Variants in ANKRD45 observed in about 807,000 individuals in gnomAD.
The protein encoded by ANKRD45 is ankyrin repeat domain 45, also known as ankyrin repeat domain-containing protein 45.
Under a neutral mutation model 28.1 loss-of-function variants are expected in ANKRD45, and 21 were observed. That is an observed-to-expected ratio of 0.75 (90% CI 0.53 to 1.08). The LOEUF (loss-of-function observed/expected upper bound fraction) is 1.08. Among genes scored for constraint, ANKRD45 ranks in the 50% least tolerant of loss-of-function variants. The probability of loss-of-function intolerance (pLI) is 0.00; values close to 1 mark genes in which losing one functional copy is unlikely to be tolerated. For missense variants in ANKRD45, 261 were observed against 308.7 expected, an observed-to-expected ratio of 0.85 and a Z score of 1.16; for synonymous variants, 86 against 103.9, an observed-to-expected ratio of 0.83 and a Z score of 1.05.
the ANKRD45 span, among the ~76,000 whole-genome samples, chr1:173,686,305 G>C: frequency 6.6e-6 from 1 of 152,202 alleles, no homozygotes; most frequent in African/African-American, 2.4e-5. Context: ...TAATAGGATA[G>C]ATGAAAATTT....
intron 3 of ANKRD45, among the ~76,000 whole-genome samples, chr1:173,633,662 T>C (rs1668291231): frequency 6.6e-6 from 1 of 151,870 alleles, no homozygotes; most frequent in Non-Finnish European, 1.5e-5. Context: ...CATAGACCAA[T>C]GGAACAGAAT....
intron 5 of ANKRD45, among the ~76,000 whole-genome samples, chr1:173,612,429 T>C (rs904903725): frequency 6.6e-6 from 1 of 152,070 alleles, no homozygotes; most frequent in Non-Finnish European, 1.5e-5. Flanking sequence ...CAAATAGATA[T>C]TTCTCCAGAG....
chr1:173,695,826 A>G, the ANKRD45 span, among the ~76,000 whole-genome samples: 1 of 152,154 alleles, frequency 6.6e-6, no homozygotes, highest in Non-Finnish European at 1.5e-5. Context: ...CCAACAGCGT[A>G]TAAGCCCCAG....
chr1:173,651,395 A>G (rs1428029805), intron 2 of ANKRD45, among the ~76,000 whole-genome samples: 3 of 152,138 alleles, frequency 2.0e-5, no homozygotes, highest in Admixed American at 2.0e-4. Flanking sequence ...CAAAGATCAG[A>G]TGATTGTAGA....
intron 1 of ANKRD45, 82 bp downstream of exon 1, chr1:173,669,735 G>A (rs1467943938): frequency 3.6e-6 from 1 of 275,756 alleles, no homozygotes; most frequent in African/African-American, 2.2e-5. Context: ...CGAGCAGCCT[G>A]GAGGGAAGAT....
intron 3 of ANKRD45, among the ~76,000 whole-genome samples, chr1:173,645,582 T>C (rs1406818652): frequency 6.6e-6 from 1 of 152,200 alleles, no homozygotes; most frequent in African/African-American, 2.4e-5. Flanking sequence ...AAGCACCTTG[T>C]CCAAGGTCAC....
chr1:173,616,192 A>G (rs1667461524), intron 5 of ANKRD45, among the ~76,000 whole-genome samples: 1 of 152,186 alleles, frequency 6.6e-6, no homozygotes, highest in Non-Finnish European at 1.5e-5. Context: ...ATGTTACCAC[A>G]TGGATGGACA....
the ANKRD45 span, among the ~76,000 whole-genome samples, chr1:173,678,506 T>C: frequency 1.3e-5 from 2 of 152,094 alleles, no homozygotes; most frequent in African/African-American, 2.4e-5. Flanking sequence ...TGCAACAAAA[T>C]TCAACAGCAC....
At chr1:173,667,362 G>A (rs979208679) in intron 1 of ANKRD45, among the ~76,000 whole-genome samples, 1 of 152,090 alleles carries the variant, frequency 6.6e-6, no homozygotes, top group Admixed American at 6.6e-5. Flanking sequence ...AGTATGAAAC[G>A]TTCATTGACA....
intron 3 of ANKRD45, among the ~76,000 whole-genome samples, chr1:173,640,501 T>C (rs1379496566): frequency 6.6e-6 from 1 of 152,202 alleles, no homozygotes; most frequent in African/African-American, 2.4e-5. Flanking sequence ...GATTGAGTCC[T>C]ACCAAGTTGA....
upstream of ANKRD45, among the ~76,000 whole-genome samples, chr1:173,671,388 T>C (rs1670252055): frequency 6.6e-6 from 1 of 152,142 alleles, no homozygotes; most frequent in South Asian, 2.1e-4. Context: ...GTTTAACTGG[T>C]ATATGACCTT....
chr1:173,699,799 T>C, the ANKRD45 span, among the ~76,000 whole-genome samples: 2 of 152,078 alleles, frequency 1.3e-5, no homozygotes, highest in African/African-American at 4.8e-5. Context: ...CTATTCCACA[T>C]AGTGTTGGAA....
chr1:173,704,111 C>T, the ANKRD45 span, among the ~76,000 whole-genome samples: 1 of 152,282 alleles, frequency 6.6e-6, no homozygotes, highest in Admixed American at 6.5e-5. Flanking sequence ...GGTGGGGAGG[C>T]CTTTTCAACT....
intron 4 of ANKRD45, 136 bp from the exon 5 acceptor site, chr1:173,625,061 T>C (rs1667871338): frequency 2.4e-6 from 2 of 818,128 alleles, no homozygotes; most frequent in African/African-American, 1.7e-5. Context: ...TCCAATACAG[T>C]AGCCATTAGA....
chr1:173,613,003 C>T (rs546784738), intron 5 of ANKRD45, among the ~76,000 whole-genome samples: 7 of 152,210 alleles, frequency 4.6e-5, no homozygotes, highest in South Asian at 2.1e-4. Context: ...AGCCTCTGCC[C>T]GGCCGCCACC....
the ANKRD45 span, among the ~76,000 whole-genome samples, chr1:173,697,851 A>G: frequency 1.3e-5 from 2 of 152,340 alleles, no homozygotes; most frequent in East Asian, 1.9e-4. Context: ...AAATGCCCCA[A>G]TTAAAAGACA....
intron 5 of ANKRD45, among the ~76,000 whole-genome samples, chr1:173,615,457 C>T (rs923980127): frequency 1.3e-4 from 19 of 150,336 alleles, no homozygotes; most frequent in South Asian, 4.2e-4. Flanking sequence ...AGTGCAAGAA[C>T]GATTTAATGT....
At chr1:173,636,741 A>T in intron 3 of ANKRD45, 1 of 936,322 alleles carries the variant, frequency 1.1e-6, no homozygotes. Context: ...ACATAAATTT[A>T]ATTTGAACTA....
intron 3 of ANKRD45, among the ~76,000 whole-genome samples, chr1:173,641,586 C>G (rs1429145464): frequency 2.6e-5 from 4 of 152,212 alleles, no homozygotes; most frequent in Admixed American, 2.6e-4. Context: ...TATGATGGTA[C>G]TGTGGAGGAC....
Sources: allele counts gnomAD v4.1 joint callset (sites outside exome capture counted in the v4.1 genomes callset), GRCh38; gene constraint gnomAD v4.1.1; transcripts MANE v1.5; gene names NCBI Gene and HGNC (gene_info 2026-07-23, HGNC 2026-07-21).